Variants in OSTF1 observed in about 807,000 individuals in gnomAD.
OSTF1 encodes osteoclast-stimulating factor 1.
A neutral mutation model predicts 37.2 loss-of-function variants in OSTF1; 27 were observed. The ratio of observed to expected loss-of-function variants is 0.73; its 90% confidence interval spans 0.54 to 1.00. The LOEUF is 1.00. OSTF1 is among the 50% of genes least tolerant of loss of function. The probability of loss-of-function intolerance (pLI) is 0.00; values close to 1 mark genes in which losing one functional copy is unlikely to be tolerated. For missense variants in OSTF1, 232 were observed against 253.8 expected (o/e 0.91, Z 0.58); for synonymous variants, 82 against 89.2 (o/e 0.92, Z 0.46).
At chr9:75,114,662 C>T (rs1055301025) in intron 1 of OSTF1, among the ~76,000 whole-genome samples, 4 of 151,894 alleles carry the variant, frequency 2.6e-5, no homozygotes, top group African/African-American at 9.7e-5. Context: ...AGGCAATTCT[C>T]ATGACACCCA....
chr9:75,123,193 G>A (rs1436065017), intron 2 of OSTF1, among the ~76,000 whole-genome samples: 11 of 152,192 alleles, frequency 7.2e-5, no homozygotes, highest in East Asian at 1.9e-4. Context: ...AGGCCGAGGC[G>A]GGTGGATCAC....
At chr9:75,095,647 C>G (rs972425504) in intron 1 of OSTF1, among the ~76,000 whole-genome samples, 1 of 152,158 alleles carries the variant, frequency 6.6e-6, no homozygotes, top group African/African-American at 2.4e-5. Context: ...GCACAGAGAA[C>G]TGTGAACCAG....
intron 2 of OSTF1, among the ~76,000 whole-genome samples, chr9:75,118,701 A>T (rs1051569253): frequency 6.6e-6 from 1 of 152,218 alleles, no homozygotes; most frequent in Non-Finnish European, 1.5e-5. Context: ...CATGTCTTAC[A>T]TGGCAGCAGA....
intron 9 of OSTF1, among the ~76,000 whole-genome samples, chr9:75,141,277 G>A (rs924731196): frequency 7.2e-5 from 10 of 138,368 alleles, no homozygotes; most frequent in Non-Finnish European, 1.5e-4. Context: ...TTCCAGCCTG[G>A]GTGAGAGCAA....
rs1825655006 is a variant in OSTF1, at chr9:75,125,932, CAG to C, written c.82-1634_82-1633del. 5.3e-5 allele frequency among the ~76,000 whole-genome samples: 8 copies of C among 152,196 alleles called. No individual in the cohort carries two copies. The South Asian group carries it at 1.7e-3, about 32-fold the overall frequency. On this transcript the variant is annotated intron_variant, in intron 2 of 9. Transcript: ENST00000346234. ...CATTTTTTAAAAAAATTTTTTGAGA[CAG>C]AGTCTTGCTCTGTCACTCAGGCTGG...
At chr9:75,104,676 C>A (rs1825253752) in intron 1 of OSTF1, among the ~76,000 whole-genome samples, 1 of 152,116 alleles carries the variant, frequency 6.6e-6, no homozygotes, top group Admixed American at 6.6e-5. Flanking sequence ...GAGTAAGTCC[C>A]AGAATAATGT....
intron 1 of OSTF1, among the ~76,000 whole-genome samples, chr9:75,115,699 T>C (rs1318659917): frequency 6.6e-6 from 1 of 151,882 alleles, no homozygotes. Context: ...TTTCCTATAC[T>C]GTTTGGGTTT....
chr9:75,133,222 C>A (rs2118592579), intron 5 of OSTF1, 72 bp from the exon 6 acceptor site: 1 of 898,106 alleles, frequency 1.1e-6, no homozygotes. Flanking sequence ...TGCAGAATGA[C>A]ATTGATTTAA....
intron 1 of OSTF1, among the ~76,000 whole-genome samples, chr9:75,100,729 C>CAA (rs36001530): frequency 4.6e-4 from 45 of 97,422 alleles, no homozygotes; most frequent in African/African-American, 1.0e-3. Flanking sequence ...AGACTCGTCT[C>CAA]AAAAAAAAAA....
At chr9:75,094,727 C>T (rs576731123) in intron 1 of OSTF1, among the ~76,000 whole-genome samples, 1 of 152,230 alleles carries the variant, frequency 6.6e-6, no homozygotes, top group East Asian at 1.9e-4. Context: ...TCAAGATTCT[C>T]TTATCAAATT....
intron 1 of OSTF1, among the ~76,000 whole-genome samples, chr9:75,099,690 G>A (rs534184369): frequency 2.0e-5 from 3 of 152,318 alleles, no homozygotes; most frequent in African/African-American, 4.8e-5. Flanking sequence ...TTAGCCGGGT[G>A]TGGTGATGAG....
intron 3 of OSTF1, among the ~76,000 whole-genome samples, chr9:75,129,909 T>C (rs1229375590): frequency 6.6e-6 from 1 of 152,346 alleles, no homozygotes; most frequent in East Asian, 1.9e-4. Context: ...GAAAAAACTT[T>C]TAAGCTGTGA....
intron 1 of OSTF1, among the ~76,000 whole-genome samples, chr9:75,098,329 T>A (rs1825125208): frequency 1.3e-5 from 2 of 152,010 alleles, no homozygotes; most frequent in Admixed American, 6.6e-5. Context: ...AACAAAGAGA[T>A]GGGAAAGGAT....
chr9:75,093,060 C>CTTTTTTTTT (rs1433476660), intron 1 of OSTF1, among the ~76,000 whole-genome samples: 13 of 134,956 alleles, frequency 9.6e-5, no homozygotes, highest in African/African-American at 3.4e-4. Flanking sequence ...CTCTTTCTTT[C>CTTTTTTTTT]TTTCTTTTTT....
intron 2 of OSTF1, 74 bp from the exon 3 acceptor site, chr9:75,127,495 G>C (rs893167772): frequency 1.2e-4 from 99 of 801,806 alleles, no homozygotes; most frequent in Non-Finnish European, 1.7e-4. Context: ...GAATATGATA[G>C]AATTTTGAAT....
intron 1 of OSTF1, among the ~76,000 whole-genome samples, chr9:75,102,650 G>T (rs1825214092): frequency 6.6e-6 from 1 of 152,110 alleles, no homozygotes; most frequent in Non-Finnish European, 1.5e-5. Context: ...TGATTGACTG[G>T]ACATTCTTAG....
At chr9:75,092,982 G>A (rs554906286) in intron 1 of OSTF1, among the ~76,000 whole-genome samples, 5 of 151,814 alleles carry the variant, frequency 3.3e-5, no homozygotes, top group African/African-American at 1.2e-4. Flanking sequence ...CTACTAAGAT[G>A]TGTTGCAATT....
chr9:75,133,013 C>CT (rs1238062334), intron 5 of OSTF1, among the ~76,000 whole-genome samples: 2 of 128,042 alleles, frequency 1.6e-5, no homozygotes, highest in African/African-American at 5.9e-5. Flanking sequence ...ACACACACAC[C>CT]CCTATATATT....
intron 7 of OSTF1, among the ~76,000 whole-genome samples, chr9:75,136,316 C>A (rs957074737): frequency 6.6e-6 from 1 of 152,032 alleles, no homozygotes; most frequent in Non-Finnish European, 1.5e-5. Context: ...CCTTTGAGAT[C>A]CATTTATTTT....
Sources: allele counts gnomAD v4.1 joint callset (sites outside exome capture counted in the v4.1 genomes callset), GRCh38; gene constraint gnomAD v4.1.1; transcripts MANE v1.5; gene names NCBI Gene and HGNC (gene_info 2026-07-23, HGNC 2026-07-21).